DUSP8: variants seen among roughly 807,000 people sequenced by gnomAD.
DUSP8 encodes the protein dual specificity protein phosphatase 8.
In DUSP8, 15 loss-of-function variants were observed where a neutral mutation model predicts 38.7. That is an observed-to-expected ratio of 0.39 (90% CI 0.26 to 0.60). The LOEUF (loss-of-function observed/expected upper bound fraction) is 0.60, where lower values mean the gene tolerates loss of function less well. Ranked by LOEUF, DUSP8 falls within the 20% of genes least tolerant of loss-of-function variation. DUSP8 has a pLI of 0.56. For missense variants in DUSP8, 768 were observed against 915.0 expected (o/e 0.84, Z 2.07); for synonymous variants, 458 against 433.9 (o/e 1.06, Z -0.69).
At chr11:1,568,806 G>C (rs533849385) in intron 1 of DUSP8, among the ~76,000 whole-genome samples, 2 of 152,344 alleles carry the variant, frequency 1.3e-5, no homozygotes, top group Middle Eastern at 6.8e-3. Context: ...GCGAAGGGCT[G>C]GCCGAGTGCC....
At chr11:1,566,691 C>T (rs988260796) in intron 1 of DUSP8, among the ~76,000 whole-genome samples, 1 of 152,210 alleles carries the variant, frequency 6.6e-6, no homozygotes, top group Non-Finnish European at 1.5e-5. Flanking sequence ...GTGCCTCTCC[C>T]CTAGCGGAGC....
At position 1,557,933 on chromosome 11, in the gene DUSP8, A is replaced by AT. The variant is rs1464627035; in HGVS notation, c.698-17dup. ...TTGGCTTTATCTGGGCAGGTGGGCC[A>AT]TGGGGGCCAGGTGAGGGCTAAGACT... On this transcript the variant is annotated splice_polypyrimidine_tract_variant and intron_variant, in intron 5 of 6. Coordinates refer to ENST00000397374, the MANE Select transcript of DUSP8 (RefSeq NM_004420.3). This position sits in a 1 kb window ranked among gnomAD's most constrained non-coding sequence, Gnocchi z 9.9. 2 of 1,613,596 alleles carry AT rather than the reference A, an allele frequency of 1.2e-6. No homozygotes were observed. Among genetic ancestry groups the AT allele is most frequent in the Non-Finnish European group, 1.7e-6 (2 of 1,179,992 alleles).
chr11:1,570,531 G>C (rs1365035449), intron 1 of DUSP8, among the ~76,000 whole-genome samples: 2 of 152,186 alleles, frequency 1.3e-5, no homozygotes, highest in African/African-American at 4.8e-5. Flanking sequence ...CTGGAGCAGA[G>C]ACTGACTCTA....
chr11:1,567,383 T>G (rs1195865964), intron 1 of DUSP8, among the ~76,000 whole-genome samples: 2 of 152,162 alleles, frequency 1.3e-5, no homozygotes, highest in Non-Finnish European at 1.5e-5. Flanking sequence ...TTCTGGACTC[T>G]CCAGGTCAGC....
intron 1 of DUSP8, chr11:1,571,614 C>CG (rs548777950): frequency 3.4e-5 from 5 of 148,084 alleles, no homozygotes; most frequent in African/African-American, 9.9e-5. Context: ...GTCCCCCCCC[C>CG]ATTCCACACC....
intron 1 of DUSP8, among the ~76,000 whole-genome samples, chr11:1,568,190 C>G (rs1048865775): frequency 3.9e-5 from 6 of 152,306 alleles, no homozygotes; most frequent in East Asian, 1.9e-4. Flanking sequence ...GCAAATACCC[C>G]CCAGTGCAGG....
chr11:1,562,416 C>A (rs1359522704), intron 3 of DUSP8, among the ~76,000 whole-genome samples: 2 of 152,158 alleles, frequency 1.3e-5, no homozygotes, highest in East Asian at 3.9e-4. Context: ...TCTCTCCCCG[C>A]CCCCCACCAG....
chr11:1,566,015 G>T, intron 1 of DUSP8, 81 bp from the exon 2 acceptor site: 3 of 592,062 alleles, frequency 5.1e-6, no homozygotes, highest in Non-Finnish European at 9.1e-6. Flanking sequence ...ATCAGAGCTG[G>T]GAGCTGCGCC....
Position 1,554,849 on chromosome 11 carries a change from C to T in DUSP8, c.*1669G>A, listed in dbSNP as rs1982827. 0.53 allele frequency: 409,437 copies of T among 766,026 alleles called. 110,208 individuals carry two copies. Among genetic ancestry groups the T allele is most frequent in the Non-Finnish European group, 0.54 (338,673 of 629,480 alleles). 47.5% of individuals were successfully genotyped at this position (766,026 alleles called of 1,614,324 possible). ...ACTTAAACCTCTAATCCATAGATTGCAAATACAACGATAGCTTATTTTCTT... is the reference window on the plus strand; with the variant it reads ...ACTTAAACCTCTAATCCATAGATTGTAAATACAACGATAGCTTATTTTCTT... On this transcript the variant is annotated 3_prime_UTR_variant, in exon 7 of 7. Transcript: ENST00000397374.
At chr11:1,562,202 C>A (rs929770778) in intron 3 of DUSP8, among the ~76,000 whole-genome samples, 2 of 152,192 alleles carry the variant, frequency 1.3e-5, no homozygotes, top group African/African-American at 4.8e-5. Context: ...CCCCCCAAAC[C>A]GTCCCACTCT....
rs1482378666 is a variant in DUSP8 at position 1,557,717 on chromosome 11, A to C, written c.821+77T>G. ...GCCACGGGTCCTGGACGGTGGGGTC[A>C]TTCTGGTGCAAGTGGGCAGCCGGGG... On this transcript the variant is annotated intron_variant, in intron 6 of 6. Coordinates refer to ENST00000397374, the MANE Select transcript of DUSP8 (RefSeq NM_004420.3). The surrounding 1 kb of genome is among the most constrained non-coding windows in gnomAD (Gnocchi z 9.9). The C allele has an allele frequency of 6.2e-7, 1 of 1,600,466 alleles. No individual in the cohort carries two copies.
chr11:1,569,865 C>T (rs1848861155), intron 1 of DUSP8, among the ~76,000 whole-genome samples: 1 of 152,206 alleles, frequency 6.6e-6, no homozygotes, highest in Non-Finnish European at 1.5e-5. Flanking sequence ...AGGGATGCTT[C>T]TGGAGGCAGA....
chr11:1,557,421 G>T lies in DUSP8; in HGVS notation c.975C>A (p.Ala325=). The change falls in exon 7 of 7, where the codon GCC becomes GCA. Residue 325 remains alanine (A), a synonymous_variant. Coordinates refer to ENST00000397374, the MANE Select transcript of DUSP8 (RefSeq NM_004420.3). This position sits in a 1 kb window ranked among gnomAD's most constrained non-coding sequence, Gnocchi z 9.9. ...GTPEPPPSPA[A]GAPLPRLPPP... ...GTGGCAGCCGTGGCAGCGGGGCCCC[G>T]GCGGCAGGACTGGGCGGAGGCTCCG... 1 of 1,564,100 alleles carries T rather than the reference G, an allele frequency of 6.4e-7. No homozygotes were observed. The highest frequency in any genetic ancestry group is 8.6e-7 in the Non-Finnish European group (1 of 1,167,344).
chr11:1,569,231 T>C (rs1024817194), intron 1 of DUSP8, among the ~76,000 whole-genome samples: 1 of 152,062 alleles, frequency 6.6e-6, no homozygotes, highest in Non-Finnish European at 1.5e-5. Context: ...TCAAAAGTCT[T>C]TGAGCCCAGG....
In DUSP8 at chr11:1,555,357, G is replaced by A. The variant is rs1463250963; in HGVS notation, c.*1161C>T. The A allele has an allele frequency of 2.0e-6, 2 of 987,710 alleles. No individual in the cohort carries two copies. Among genetic ancestry groups the A allele is most frequent in the Non-Finnish European group, 1.2e-6 (1 of 830,174 alleles). The allele number at this position is 987,710 out of a possible 1,614,324, so 61.2% of individuals were successfully genotyped here. A position where few individuals can be genotyped will look rare whatever the true frequency, so the allele number is the denominator to read the frequency against. Reference sequence around the variant, plus strand: ...CTTGAGGCAGTGCTCCCTAAGTGAAGCAGGCCTATCCCAGCAGCACAGGGG... The same window carrying A: ...CTTGAGGCAGTGCTCCCTAAGTGAAACAGGCCTATCCCAGCAGCACAGGGG... On this transcript the variant is annotated 3_prime_UTR_variant, in exon 7 of 7. Transcript: ENST00000397374.
At position 1,554,790 on chromosome 11, in the gene DUSP8, C is replaced by A; in HGVS notation, c.*1728G>T. 1 of 531,346 alleles carries A rather than the reference C, an allele frequency of 1.9e-6. No individual in the cohort carries two copies. The highest frequency in any genetic ancestry group is 2.4e-6 in the Non-Finnish European group (1 of 414,758). 32.9% of individuals were successfully genotyped at this position (531,346 alleles called of 1,614,324 possible). A position where few individuals can be genotyped will look rare whatever the true frequency, so the allele number is the denominator to read the frequency against. ...AACAGACATATGGGAGGCAAATTTA[C>A]ATAATTAATAATAATTAACCAATAA... On this transcript the variant is annotated 3_prime_UTR_variant, in exon 7 of 7. Coordinates refer to ENST00000397374, the MANE Select transcript of DUSP8 (RefSeq NM_004420.3).
intron 1 of DUSP8, among the ~76,000 whole-genome samples, chr11:1,570,118 G>A (rs143315091): frequency 2.0e-3 from 308 of 152,272 alleles, no homozygotes; most frequent in Middle Eastern, 6.8e-3. Context: ...GGCTCCCTCC[G>A]ATCCCAGGAA....
chr11:1,562,415 G>GC (rs1564934558), intron 3 of DUSP8, among the ~76,000 whole-genome samples: 1 of 152,176 alleles, frequency 6.6e-6, no homozygotes, highest in East Asian at 1.9e-4. Flanking sequence ...CTCTCTCCCC[G>GC]CCCCCCACCA....
intron 3 of DUSP8, among the ~76,000 whole-genome samples, chr11:1,562,064 G>C (rs1375131841): frequency 6.6e-6 from 1 of 152,200 alleles, no homozygotes; most frequent in Non-Finnish European, 1.5e-5. Context: ...AGGGTGGCAT[G>C]ACCAGGCCCT....
Sources: allele counts gnomAD v4.1 joint callset (sites outside exome capture counted in the v4.1 genomes callset), GRCh38; gene constraint gnomAD v4.1.1; non-coding constraint Gnocchi (gnomAD v3.1); transcripts MANE v1.5; gene names NCBI Gene and HGNC (gene_info 2026-07-23, HGNC 2026-07-21).